PPP2R2B: variants seen among roughly 807,000 people sequenced by gnomAD.
The protein encoded by PPP2R2B is protein phosphatase 2 regulatory subunit Bbeta.
PPP2R2B carries 5 observed loss-of-function variants against 46.0 expected under a neutral mutation model. The ratio of observed to expected loss-of-function variants is 0.11; its 90% CI spans 0.06 to 0.23. The LOEUF is 0.23. PPP2R2B is among the 10% of genes least tolerant of loss of function. The pLI is 1.00. For missense variants in PPP2R2B, 367 were observed against 575.0 expected, an observed-to-expected ratio of 0.64 and a Z score of 3.70; for synonymous variants, 215 against 206.7, an observed-to-expected ratio of 1.04 and a Z score of -0.34.
chr5:146,839,838 C>T (rs1052210898), intron 2 of PPP2R2B, among the ~76,000 whole-genome samples: 2 of 152,160 alleles, frequency 1.3e-5, no homozygotes, highest in Non-Finnish European at 2.9e-5. Context: ...GAATAGAATG[C>T]GAAATGTCAC....
intron 1 of PPP2R2B, among the ~76,000 whole-genome samples, chr5:146,944,594 T>C (rs773937762): frequency 1.3e-5 from 2 of 151,896 alleles, no homozygotes; most frequent in African/African-American, 2.4e-5. Flanking sequence ...TTGTGTCCCA[T>C]GATTTAAAGA....
At chr5:146,776,301 G>A (rs894607099) in intron 2 of PPP2R2B, among the ~76,000 whole-genome samples, 3 of 151,910 alleles carry the variant, frequency 2.0e-5, no homozygotes, top group African/African-American at 4.8e-5. Flanking sequence ...GGATAACAAC[G>A]GTTTTATATA....
At chr5:146,924,108 A>G (rs1763701340) in intron 1 of PPP2R2B, among the ~76,000 whole-genome samples, 1 of 152,174 alleles carries the variant, frequency 6.6e-6, no homozygotes, top group Non-Finnish European at 1.5e-5. Context: ...GATCAGGAAA[A>G]ATAACTAATG....
intron 6 of PPP2R2B, among the ~76,000 whole-genome samples, chr5:146,649,062 G>A (rs1775767303): frequency 6.6e-6 from 1 of 152,194 alleles, no homozygotes; most frequent in Non-Finnish European, 1.5e-5. Context: ...AGAATGAATG[G>A]AGACCAGATG....
At chr5:147,040,206 G>T (rs1207605092) in intron 1 of PPP2R2B, among the ~76,000 whole-genome samples, 2 of 152,096 alleles carry the variant, frequency 1.3e-5, no homozygotes, top group Non-Finnish European at 2.9e-5. Flanking sequence ...TGAGGTCTAT[G>T]CTATGACCTG....
intron 1 of PPP2R2B, among the ~76,000 whole-genome samples, chr5:147,049,644 C>G (rs1214804278): frequency 6.6e-6 from 1 of 152,132 alleles, no homozygotes; most frequent in Non-Finnish European, 1.5e-5. Context: ...GAGTCTGAGA[C>G]TGCAAGGGAG....
intron 2 of PPP2R2B, among the ~76,000 whole-genome samples, chr5:146,742,189 T>C (rs1752918421): frequency 6.6e-6 from 1 of 152,220 alleles, no homozygotes; most frequent in South Asian, 2.1e-4. Flanking sequence ...CAGGAAATTG[T>C]TGGATTTGAG....
At chr5:146,966,136 C>T (rs1035661499) in intron 1 of PPP2R2B, among the ~76,000 whole-genome samples, 11 of 152,154 alleles carry the variant, frequency 7.2e-5, no homozygotes, top group African/African-American at 2.7e-4. Context: ...AAAGGAAAAC[C>T]GTAGTTGGTG....
chr5:146,985,195 GT>G (rs1753368832), intron 1 of PPP2R2B, among the ~76,000 whole-genome samples: 1 of 150,990 alleles, frequency 6.6e-6, no homozygotes, highest in African/African-American at 2.4e-5. Context: ...TAGTTTTTGT[GT>G]TTTTAGTAGA....
intron 1 of PPP2R2B, chr5:147,035,343 G>T (rs975445566): frequency 6.7e-6 from 2 of 299,934 alleles, no homozygotes; most frequent in African/African-American, 2.3e-5. Flanking sequence ...ACAGCAAGGG[G>T]GAAGGCCTCC....
rs767333998 is a variant in PPP2R2B at position 146,638,316 on chromosome 5, C to T, written c.725G>A (p.Ser242Asn). Residue 242 changes from serine (S) to asparagine (N), a missense_variant, in exon 7 of 10, where the codon AGC becomes AAC. This residue lies in a region of PPP2R2B where 361 missense variants were observed against 545.5 expected (regional missense o/e 0.66). Coordinates refer to ENST00000394411, the MANE Select transcript of PPP2R2B (RefSeq NM_181675.4). ...ACACAGCCGGATTGTCCCTTTGCTG[C>T]TGCTGTACACGAAGGTGTTGCAATG... ...PHHCNTFVYS[S>N]SKGTIRLCDM... The T allele has an allele frequency of 1.9e-6, 3 of 1,614,032 alleles. No individual in the cohort carries two copies. The highest frequency in any genetic ancestry group is 1.7e-5 in the Admixed American group (1 of 60,026).
intron 2 of PPP2R2B, among the ~76,000 whole-genome samples, chr5:146,751,906 G>C (rs1582022326): frequency 6.6e-6 from 1 of 152,144 alleles, no homozygotes; most frequent in South Asian, 2.1e-4. Context: ...GAGCACATTT[G>C]GCCTATTTGT....
chr5:146,989,688 A>G (rs548865556), intron 1 of PPP2R2B, among the ~76,000 whole-genome samples: 1 of 152,220 alleles, frequency 6.6e-6, no homozygotes, highest in South Asian at 2.1e-4. Context: ...GATCTAGAAC[A>G]ACACAAGAAT....
chr5:146,860,243 G>A (rs1426488254), intron 2 of PPP2R2B, among the ~76,000 whole-genome samples: 1 of 152,102 alleles, frequency 6.6e-6, no homozygotes, highest in African/African-American at 2.4e-5. Flanking sequence ...CATTTTCCCT[G>A]GGCCTATCAA....
At chr5:147,047,798 G>A (rs1375637559) in intron 1 of PPP2R2B, among the ~76,000 whole-genome samples, 1 of 152,162 alleles carries the variant, frequency 6.6e-6, no homozygotes, top group East Asian at 1.9e-4. Context: ...ACACTTAGGT[G>A]GATGACAGTG....
chr5:146,590,118 G>T lies in PPP2R2B; in HGVS notation c.1161C>A (p.Ile387=). 1.2e-6 allele frequency: 2 copies of T among 1,614,102 alleles called. No individual in the cohort carries two copies. The highest frequency in any genetic ancestry group is 1.1e-5 in the South Asian group (1 of 91,080). The change falls in exon 10 of 10, where the codon ATC becomes ATA. Residue 387 remains isoleucine (I), a synonymous_variant. Coordinates refer to ENST00000394411, the MANE Select transcript of PPP2R2B (RefSeq NM_181675.4). ...ASRENSKPRA[I]LKPRKVCVGG... ...CCACACACACTTTTCGGGGTTTGAG[G>T]ATAGCCCGGGGCTTGCTGTTTTCCC...
chr5:147,036,485 T>C (rs996686501), intron 1 of PPP2R2B, among the ~76,000 whole-genome samples: 1 of 152,218 alleles, frequency 6.6e-6, no homozygotes, highest in Admixed American at 6.5e-5. Flanking sequence ...TATACATGCA[T>C]ATATCTTTAT....
rs552103473 is a variant in PPP2R2B at position 147,040,717 on chromosome 5, G to A, written c.79+14948C>T. On this transcript the variant is annotated intron_variant, in intron 1 of 8. Transcript: ENST00000336640. ...TCCGTGTGAGGAAGGTAGCACTTAC[G>A]AGAACATTCTTGAAGGTTTAATAAC... 1.1e-4 allele frequency: 49 copies of A among 447,250 alleles called. No individual in the cohort carries two copies. In the Middle Eastern group the frequency reaches 2.7e-3, roughly 24 times the overall value. The allele number at this position is 447,250 out of a possible 1,614,324, so 27.7% of individuals were successfully genotyped here. A position where few individuals can be genotyped will look rare whatever the true frequency, so the allele number is the denominator to read the frequency against.
chr5:146,900,230 G>A (rs586362), intron 1 of PPP2R2B, among the ~76,000 whole-genome samples: 73,610 of 151,966 alleles, frequency 0.48, 19,659 homozygotes, highest in East Asian at 0.7. Flanking sequence ...AGGAATAAGT[G>A]TCAAAAATAA....
Sources: gnomAD v4.1 joint callset for allele counts (sites outside exome capture counted in the v4.1 genomes callset) on GRCh38, gnomAD v4.1.1 for gene constraint, gnomAD v4.1.1 regional missense constraint, MANE v1.5 for transcripts, NCBI Gene and HGNC (gene_info 2026-07-23, HGNC 2026-07-21) for gene names.